The following C1orf162 variants were observed in gnomAD, a reference collection of about 807,000 sequenced individuals.
The protein encoded by C1orf162 is transmembrane protein C1orf162.
C1orf162 carries 10 observed loss-of-function variants against 11.4 expected under a neutral mutation model. The observed-to-expected ratio is 0.88, with a 90% confidence interval of 0.54 to 1.48. C1orf162 has a LOEUF of 1.48. Ranked by LOEUF, C1orf162 falls within the 40% of genes most tolerant of loss-of-function variation. The pLI is 0.00. For missense variants in C1orf162, 140 were observed against 149.5 expected (o/e 0.94, Z 0.33); for synonymous variants, 53 against 55.0 (o/e 0.96, Z 0.16).
At chr1:111,476,501 A>C (rs112417400) in intron 2 of C1orf162, among the ~76,000 whole-genome samples, 15 of 152,044 alleles carry the variant, frequency 9.9e-5, no homozygotes, top group African/African-American at 2.9e-4. Context: ...GAGGGAGCAT[A>C]TCTCTTCAGG....
chr1:111,476,868 G>C lies in C1orf162; in HGVS notation c.107+1G>C, dbSNP rs1654008668. ...CACCCTGTCTCTCTAACCACCACAA[G>C]TAAATGAGCATTCTCCTATCTGTTT... On this transcript the variant is annotated splice_donor_variant, in intron 3 of 5. Coordinates refer to ENST00000369718, the MANE Select transcript of C1orf162 (RefSeq NM_001300834.2). LOFTEE classifies it high-confidence loss of function. The C allele has an allele frequency of 6.2e-7, 1 of 1,613,066 alleles. No individual in the cohort carries two copies. The highest frequency in any genetic ancestry group is 8.5e-7 in the Non-Finnish European group (1 of 1,179,080).
At chr1:111,477,838 A>C in intron 5 of C1orf162, 63 bp downstream of exon 5, 1 of 1,600,142 alleles carries the variant, frequency 6.2e-7, no homozygotes, top group Non-Finnish European at 8.6e-7. Flanking sequence ...TCCCCTCCAT[A>C]CTCTTCATTA....
At chr1:111,474,524 C>T (rs750211867) in intron 1 of C1orf162, 1 of 152,154 alleles carries the variant, frequency 6.6e-6, no homozygotes, top group East Asian at 1.9e-4. Flanking sequence ...AGTGTAAGCT[C>T]ATACTCTGTT....
intron 2 of C1orf162, 110 bp downstream of exon 2, chr1:111,476,175 G>A (rs1653983232): frequency 9.2e-7 from 1 of 1,088,744 alleles, no homozygotes; most frequent in Non-Finnish European, 1.4e-6. Context: ...TTCTGAAACT[G>A]GAAGAATCCA....
At chr1:111,477,160 G>A (rs905171009) in intron 3 of C1orf162, 174 bp from the exon 4 acceptor site, 17 of 658,588 alleles carry the variant, frequency 2.6e-5, no homozygotes, top group Middle Eastern at 4.1e-4. Context: ...TTCCTCTGAG[G>A]CCTCAAATGG....
In C1orf162 at chr1:111,478,286, C is replaced by A; in HGVS notation, c.*163C>A. ...AATGCTATCCAGCATCTTTGGAGAC[C>A]AATGGTCAGTCTTTTCCTGGCCAGA... On this transcript the variant is annotated 3_prime_UTR_variant, in exon 6 of 6. Coordinates refer to ENST00000369718, the MANE Select transcript of C1orf162 (RefSeq NM_001300834.2). 2 of 795,022 alleles carry A rather than the reference C, an allele frequency of 2.5e-6. No homozygotes were observed. The highest frequency in any genetic ancestry group is 4.0e-6 in the Non-Finnish European group (2 of 500,646). 49.2% of individuals were successfully genotyped at this position (795,022 alleles called of 1,614,324 possible).
At chr1:111,477,250 T>G in intron 3 of C1orf162, 84 bp from the exon 4 acceptor site, 1 of 1,169,094 alleles carries the variant, frequency 8.6e-7, no homozygotes, top group South Asian at 1.2e-5. Flanking sequence ...CAGGAGTCCA[T>G]CCATAGGCAG....
At chr1:111,477,207 G>T in intron 3 of C1orf162, 127 bp from the exon 4 acceptor site, 1 of 851,670 alleles carries the variant, frequency 1.2e-6, no homozygotes, top group Non-Finnish European at 1.9e-6. Context: ...AAACCACTGG[G>T]TGAAAGTTCA....
intron 2 of C1orf162, 70 bp downstream of exon 2, chr1:111,476,135 G>T (rs1653982135): frequency 6.8e-7 from 1 of 1,462,090 alleles, no homozygotes; most frequent in South Asian, 1.1e-5. Flanking sequence ...GTGCTGAAGG[G>T]CTGTAATGGA....
intron 1 of C1orf162, 72 bp from the exon 2 acceptor site, chr1:111,475,946 C>A: frequency 8.4e-7 from 1 of 1,193,342 alleles, no homozygotes; most frequent in Non-Finnish European, 1.2e-6. Context: ...ATGACAATCA[C>A]AGTCTCAGAG....
chr1:111,478,155 T>C lies in C1orf162; in HGVS notation c.*32T>C. On this transcript the variant is annotated 3_prime_UTR_variant, in exon 6 of 6. Transcript: ENST00000369718. ...TTTTCCAATGAGGCTTGAATCCATTTCCTCTCATCTCAGCCCTATCTTCAC... is the reference window on the plus strand; with the variant it reads ...TTTTCCAATGAGGCTTGAATCCATTCCCTCTCATCTCAGCCCTATCTTCAC... 6.2e-7 allele frequency: 1 copy of C among 1,612,654 alleles called. No individual in the cohort carries two copies. The highest frequency in any genetic ancestry group is 1.7e-4 in the Middle Eastern group (1 of 6,060).
At chr1:111,476,707 T>C in intron 2 of C1orf162, 91 bp from the exon 3 acceptor site, 1 of 1,268,096 alleles carries the variant, frequency 7.9e-7, no homozygotes, top group South Asian at 1.2e-5. Flanking sequence ...CACTGGTTGC[T>C]TGGGTAGAAT....
Position 111,476,797 on chromosome 1 carries a change from G to C in C1orf162, c.38-1G>C, listed in dbSNP as rs771750394. ...CTAATTCCTTTTGTGTTTTCTTGTAGAAAGACAAGGCACTCTCTCCACAGC... is the reference window on the plus strand; with the variant it reads ...CTAATTCCTTTTGTGTTTTCTTGTACAAAGACAAGGCACTCTCTCCACAGC... On this transcript the variant is annotated splice_acceptor_variant, in intron 2 of 5. Transcript: ENST00000369718. LOFTEE classifies it high-confidence loss of function. The C allele has an allele frequency of 4.3e-6, 7 of 1,613,764 alleles. No individual in the cohort carries two copies. Among genetic ancestry groups the C allele is most frequent in the Non-Finnish European group, 5.9e-6 (7 of 1,179,812 alleles).
In C1orf162 at chr1:111,476,833, A is replaced by G; in HGVS notation, c.73A>G (p.Thr25Ala). Residue 25 changes from threonine to alanine, a missense_variant, in exon 3 of 6, where the codon ACT (threonine) becomes GCT (alanine). Coordinates refer to ENST00000369718, the MANE Select transcript of C1orf162 (RefSeq NM_001300834.2). ...QGTLSTAAPT[T>A]SPAPCLSNHH... ...CACTCTCTCCACAGCAGCCCCAACA[A>G]CTAGCCCTGCACCCTGTCTCTCTAA... 4 of 1,614,038 alleles carry G rather than the reference A, an allele frequency of 2.5e-6. No individual in the cohort carries two copies. The highest frequency in any genetic ancestry group is 3.4e-6 in the Non-Finnish European group (4 of 1,179,956).
At chr1:111,477,118 G>T in intron 3 of C1orf162, 1 of 635,340 alleles carries the variant, frequency 1.6e-6, no homozygotes, top group Non-Finnish European at 2.7e-6. Context: ...CATTGTGTGG[G>T]TTGAGGGAGG....
intron 4 of C1orf162, 107 bp from the exon 5 acceptor site, chr1:111,477,619 A>T: frequency 6.3e-7 from 1 of 1,596,248 alleles, no homozygotes; most frequent in Non-Finnish European, 8.6e-7. Context: ...CCACCTGCCA[A>T]CACCTCCTCC....
Position 111,477,707 on chromosome 1 carries a change from C to G in C1orf162, c.203-19C>G. The stretch of plus-strand genomic sequence containing the variant: ...CCCATTGCTGAGATGGGTCCCTCTT[C>G]TTTCTGGCACCATGGCAGATCACTC... On this transcript the variant is annotated intron_variant, in intron 4 of 5. Coordinates refer to ENST00000369718, the MANE Select transcript of C1orf162 (RefSeq NM_001300834.2). 6.2e-7 allele frequency: 1 copy of G among 1,612,744 alleles called. No homozygotes were observed. Among genetic ancestry groups the G allele is most frequent in the Middle Eastern group, 1.7e-4 (1 of 6,058 alleles).
Position 111,478,273 on chromosome 1 carries a change from C to A in C1orf162, c.*150C>A. 1 of 896,348 alleles carries A rather than the reference C, an allele frequency of 1.1e-6. No homozygotes were observed. Among genetic ancestry groups the A allele is most frequent in the Non-Finnish European group, 1.7e-6 (1 of 584,268 alleles). The allele number at this position is 896,348 out of a possible 1,614,324, so 55.5% of individuals were successfully genotyped here. The stretch of plus-strand genomic sequence containing the variant: ...GATGTGATCTGGCAATGCTATCCAG[C>A]ATCTTTGGAGACCAATGGTCAGTCT... On this transcript the variant is annotated 3_prime_UTR_variant, in exon 6 of 6. Coordinates refer to ENST00000369718, the MANE Select transcript of C1orf162 (RefSeq NM_001300834.2).
intron 3 of C1orf162, 125 bp from the exon 4 acceptor site, chr1:111,477,209 G>C: frequency 1.2e-6 from 1 of 862,766 alleles, no homozygotes; most frequent in South Asian, 1.6e-5. Context: ...ACCACTGGGT[G>C]AAAGTTCATT....
Sources: allele counts gnomAD v4.1 joint callset (sites outside exome capture counted in the v4.1 genomes callset), GRCh38; gene constraint gnomAD v4.1.1; transcripts MANE v1.5; gene names NCBI Gene and HGNC (gene_info 2026-07-23, HGNC 2026-07-21).